PON2: variants seen among roughly 807,000 people sequenced by gnomAD.
PON2 encodes the protein paraoxonase 2.
Under a neutral mutation model 36.6 loss-of-function variants are expected in PON2, and 27 were observed. The observed-to-expected ratio is 0.74, with a 90% CI of 0.54 to 1.02. The LOEUF (loss-of-function observed/expected upper bound fraction) is 1.02. PON2 is among the 50% of genes least tolerant of loss of function. The probability of loss-of-function intolerance (pLI) is 0.00; values close to 1 mark genes in which losing one functional copy is unlikely to be tolerated. For missense variants in PON2, 363 were observed against 421.1 expected (o/e 0.86, Z 1.21); for synonymous variants, 149 against 156.3 (o/e 0.95, Z 0.35).
Position 95,410,059 on chromosome 7 carries a change from G to T in PON2, c.537C>A (p.Ala179=). Residue 179 remains alanine (A), a synonymous_variant, in exon 6 of 9, where the codon GCC becomes GCA. Transcript: ENST00000222572. ...ITAVGPAHFY[A]TNDHYFSDPF... ...GATCAGAGAAGTAGTGGTCATTTGT[G>T]GCATAGAAATGTGCCGGTCCAACAG... 6.2e-7 allele frequency: 1 copy of T among 1,613,692 alleles called. No individual in the cohort carries two copies. Among genetic ancestry groups the T allele is most frequent in the South Asian group, 1.1e-5 (1 of 91,066 alleles).
chr7:95,416,557 A>G lies in PON2; in HGVS notation c.146-260T>C. ...CACCACATTTCCAGCTATAATACTG[A>G]AAAAGTTGACATCTGTACACTCTCA... On this transcript the variant is annotated intron_variant, in intron 2 of 8. Transcript: ENST00000222572. 6 of 505,528 alleles carry G rather than the reference A, an allele frequency of 1.2e-5. No homozygotes were observed. The South Asian group carries it at 1.3e-4, about 11-fold the overall frequency. The allele number at this position is 505,528 out of a possible 1,614,324, so 31.3% of individuals were successfully genotyped here.
chr7:95,416,003 A>G, intron 3 of PON2: 1 of 660,538 alleles, frequency 1.5e-6, no homozygotes, highest in Non-Finnish European at 2.5e-6. Context: ...CACAGATTGC[A>G]TTGGAATATT....
chr7:95,407,885 G>T (rs1809745822), intron 6 of PON2, among the ~76,000 whole-genome samples: 1 of 152,194 alleles, frequency 6.6e-6, no homozygotes, highest in South Asian at 2.1e-4. Flanking sequence ...GATGAGATTT[G>T]AGATGAGGAC....
chr7:95,426,513 G>A (rs946791816), intron 1 of PON2, among the ~76,000 whole-genome samples: 2 of 152,164 alleles, frequency 1.3e-5, no homozygotes, highest in African/African-American at 2.4e-5. Context: ...TTCCCACGGC[G>A]CAACTTAGCC....
chr7:95,405,293 T>C lies in PON2; in HGVS notation c.*37A>G. The C allele has an allele frequency of 1.2e-6, 2 of 1,602,246 alleles. No individual in the cohort carries two copies. The highest frequency in any genetic ancestry group is 1.7e-6 in the Non-Finnish European group (2 of 1,169,752). On this transcript the variant is annotated 3_prime_UTR_variant, in exon 9 of 9. Coordinates refer to ENST00000222572, the MANE Select transcript of PON2 (RefSeq NM_000305.3). The stretch of plus-strand genomic sequence containing the variant: ...GAATTAGCAATTCATAGAAAATTAA[T>C]TGTTAAGTTATCGCACTTTCATGCC...
intron 1 of PON2, among the ~76,000 whole-genome samples, chr7:95,428,831 A>G (rs1470939116): frequency 1.3e-5 from 2 of 152,160 alleles, no homozygotes; most frequent in African/African-American, 4.8e-5. Flanking sequence ...CTTGAATTTC[A>G]TTGTCTACAT....
intron 5 of PON2, among the ~76,000 whole-genome samples, chr7:95,410,402 G>A (rs969690313): frequency 4.6e-5 from 7 of 152,184 alleles, no homozygotes; most frequent in Admixed American, 2.6e-4. Context: ...GAAATGTAGG[G>A]TTTAACAATT....
At chr7:95,421,724 T>C (rs1479707994) in intron 2 of PON2, among the ~76,000 whole-genome samples, 1 of 151,508 alleles carries the variant, frequency 6.6e-6, no homozygotes, top group African/African-American at 2.4e-5. Flanking sequence ...AATACAAAAG[T>C]ATCAATGAAA....
chr7:95,419,101 G>A (rs901121371), intron 2 of PON2, among the ~76,000 whole-genome samples: 1 of 152,150 alleles, frequency 6.6e-6, no homozygotes, highest in Non-Finnish European at 1.5e-5. Context: ...TCTAGTTAGT[G>A]TTCAAATAGC....
At position 95,412,318 on chromosome 7, in the gene PON2, C is replaced by G; in HGVS notation, c.361G>C (p.Asp121His). ...FNPHGISTFI[D>H]NDDTVYLFVV... ...GTAGCCCATTGGCTCTTACCGTTGT[C>G]TATGAAAGTGCTGATGCCATGTGGA... The change falls in exon 4 of 9, where the codon GAC becomes CAC. Residue 121 changes from aspartate to histidine, a missense_variant. Coordinates refer to ENST00000222572, the MANE Select transcript of PON2 (RefSeq NM_000305.3). The G allele has an allele frequency of 1.2e-6, 2 of 1,614,104 alleles. No homozygotes were observed. The highest frequency in any genetic ancestry group is 1.7e-6 in the Non-Finnish European group (2 of 1,179,974).
rs1789060422 is a variant in PON2 at position 95,416,288 on chromosome 7, G to A, written c.155C>T (p.Ser52Phe). The A allele has an allele frequency of 1.2e-6, 2 of 1,613,702 alleles. No homozygotes were observed. Residue 52 changes from serine to phenylalanine, a missense_variant, in exon 3 of 9, where the codon TCT (serine) becomes TTT (phenylalanine). Coordinates refer to ENST00000222572, the MANE Select transcript of PON2 (RefSeq NM_000305.3). Reference sequence around the variant, plus strand: ...ATTGGGAAGTATGTCAATATCTTCAGAGCCAGCTTCTGTAAGTTTAAGGAA... The same window carrying A: ...ATTGGGAAGTATGTCAATATCTTCAAAGCCAGCTTCTGTAAGTTTAAGGAA... ...CHLIKGIEAG[S>F]EDIDILPNGL... is the part of the protein sequence containing the mutation.
intron 3 of PON2, chr7:95,415,006 G>A (rs1170997449): frequency 6.6e-6 from 1 of 152,136 alleles, no homozygotes; most frequent in Admixed American, 6.5e-5. Context: ...ACTCCAACCT[G>A]AGTTCTCTCA....
chr7:95,430,670 G>A (rs1163459225), intron 1 of PON2, among the ~76,000 whole-genome samples: 2 of 151,932 alleles, frequency 1.3e-5, no homozygotes, highest in Non-Finnish European at 2.9e-5. Context: ...TGAGGTGGGA[G>A]GATTGCTTGA....
At chr7:95,415,692 C>T (rs207468301) in intron 3 of PON2, among the ~76,000 whole-genome samples, 1 of 152,120 alleles carries the variant, frequency 6.6e-6, no homozygotes, top group Non-Finnish European at 1.5e-5. Context: ...GTGGCTCACT[C>T]CCGTAATGCC....
chr7:95,411,904 G>A (rs1315101253), intron 4 of PON2, 125 bp from the exon 5 acceptor site: 2 of 997,208 alleles, frequency 2.0e-6, no homozygotes, highest in Admixed American at 1.9e-5. Context: ...CGACCTAACA[G>A]ATCATTCTCT....
rs770148811 is a variant in PON2, at chr7:95,406,147, T to C, written c.878A>G (p.Tyr293Cys). Residue 293 changes from tyrosine to cysteine, a missense_variant, in exon 8 of 9, where the codon TAT (tyrosine) becomes TGT (cysteine). Coordinates refer to ENST00000222572, the MANE Select transcript of PON2 (RefSeq NM_000305.3). ...TGACGAGGGAGGATTGTTCGGGTCATACACGAAGAGCTTCTGGCCATTAGG... is the reference window on the plus strand; with the variant it reads ...TGACGAGGGAGGATTGTTCGGGTCACACACGAAGAGCTTCTGGCCATTAGG... The part of the protein sequence containing the change: ...CHPNGQKLFV[Y>C]DPNNPPSSEV... 1.2e-6 allele frequency: 2 copies of C among 1,613,742 alleles called. No homozygotes were observed. The highest frequency in any genetic ancestry group is 2.7e-5 in the African/African-American group (2 of 74,920).
chr7:95,410,147 G>A lies in PON2; in HGVS notation c.495-46C>T, dbSNP rs774204691. Reference sequence around the variant, plus strand: ...GTGAGAGGAAACAAAAGGCCTGTTGGTCTCCATATTAAATATTAAGTACTC... The same window carrying A: ...GTGAGAGGAAACAAAAGGCCTGTTGATCTCCATATTAAATATTAAGTACTC... On this transcript the variant is annotated intron_variant, in intron 5 of 8. Coordinates refer to ENST00000222572, the MANE Select transcript of PON2 (RefSeq NM_000305.3). The A allele has an allele frequency of 2.7e-6, 4 of 1,458,786 alleles. No homozygotes were observed. The South Asian group carries it at 3.5e-5, about 13-fold the overall frequency. The allele number at this position is 1,458,786 out of a possible 1,614,324, so 90.4% of individuals were successfully genotyped here. A position where few individuals can be genotyped will look rare whatever the true frequency, so the allele number is the denominator to read the frequency against.
At position 95,405,226 on chromosome 7, in the gene PON2, G is replaced by T; in HGVS notation, c.*104C>A. 1 of 1,227,576 alleles carries T rather than the reference G, an allele frequency of 8.1e-7. No homozygotes were observed. The highest frequency in any genetic ancestry group is 1.2e-6 in the Non-Finnish European group (1 of 853,004). The allele number at this position is 1,227,576 out of a possible 1,614,324, so 76.0% of individuals were successfully genotyped here. A position where few individuals can be genotyped will look rare whatever the true frequency, so the allele number is the denominator to read the frequency against. On this transcript the variant is annotated 3_prime_UTR_variant, in exon 9 of 9. Coordinates refer to ENST00000222572, the MANE Select transcript of PON2 (RefSeq NM_000305.3). ...TACTGGAATAAAATTAACTACACAT[G>T]CCATACATTTCTGGGTCAATGTTGC...
chr7:95,433,837 C>G (rs1218748966), intron 1 of PON2, among the ~76,000 whole-genome samples: 1 of 152,238 alleles, frequency 6.6e-6, no homozygotes, highest in Non-Finnish European at 1.5e-5. Flanking sequence ...CTTCCTCCCT[C>G]TAGAACTCCA....
Sources: gnomAD v4.1 joint callset for allele counts (sites outside exome capture counted in the v4.1 genomes callset) on GRCh38, gnomAD v4.1.1 for gene constraint, MANE v1.5 for transcripts, NCBI Gene and HGNC (gene_info 2026-07-23, HGNC 2026-07-21) for gene names.